Variants in GCNT1 observed in about 807,000 individuals in gnomAD.
GCNT1 encodes the protein glucosaminyl (N-acetyl) transferase 1.
Under a neutral mutation model 26.2 loss-of-function variants are expected in GCNT1, and 16 were observed. The ratio of observed to expected loss-of-function variants is 0.61; its 90% CI spans 0.41 to 0.93. The LOEUF (loss-of-function observed/expected upper bound fraction) is 0.93, where lower values mean the gene tolerates loss of function less well. GCNT1 is among the 40% of genes least tolerant of loss of function. GCNT1 has a pLI of 0.00. For synonymous variants in GCNT1, 183 were observed against 190.8 expected (o/e 0.96, Z 0.34); for missense variants, 477 against 526.7 (o/e 0.91, Z 0.92).
At chr9:76,482,701 G>A (rs1263905396) in intron 2 of GCNT1, among the ~76,000 whole-genome samples, 3 of 152,096 alleles carry the variant, frequency 2.0e-5, no homozygotes, top group East Asian at 1.9e-4. Flanking sequence ...CTGGAGTGCA[G>A]TGGTGTGATC....
At chr9:76,397,600 C>T in the GCNT1 span, among the ~76,000 whole-genome samples, 5 of 152,032 alleles carry the variant, frequency 3.3e-5, no homozygotes, top group Middle Eastern at 3.2e-3. Context: ...TATGCCACCA[C>T]GCCCGGCTAA....
intron 2 of GCNT1, among the ~76,000 whole-genome samples, chr9:76,464,212 A>G (rs769051354): frequency 3.9e-5 from 6 of 152,006 alleles, no homozygotes; most frequent in Non-Finnish European, 8.8e-5. Context: ...GTGGAAACCC[A>G]CTTTTTGTTT....
At chr9:76,398,598 C>T in the GCNT1 span, 1 of 711,940 alleles carries the variant, frequency 1.4e-6, no homozygotes, top group Non-Finnish European at 2.5e-6. Context: ...AACTTTTATC[C>T]ACACAAAAAC....
At chr9:76,448,304 T>C (rs1823609723) in intron 1 of GCNT1, among the ~76,000 whole-genome samples, 1 of 151,822 alleles carries the variant, frequency 6.6e-6, no homozygotes, top group African/African-American at 2.4e-5. Flanking sequence ...ATACAAAAAT[T>C]AGCCAGGTGT....
intron 2 of GCNT1, among the ~76,000 whole-genome samples, chr9:76,479,697 T>C (rs1405846749): frequency 6.6e-6 from 1 of 152,234 alleles, no homozygotes; most frequent in East Asian, 1.9e-4. Flanking sequence ...CGCCCACTTG[T>C]TGATGGGGTT....
the GCNT1 span, chr9:76,393,933 G>C: frequency 1.5e-6 from 1 of 675,790 alleles, no homozygotes. Context: ...CCGAGCCAAC[G>C]GTCCTCCGCC....
intron 1 of GCNT1, among the ~76,000 whole-genome samples, chr9:76,433,211 T>A (rs935744115): frequency 6.6e-6 from 1 of 152,206 alleles, no homozygotes; most frequent in African/African-American, 2.4e-5. Context: ...ACAGTAACAC[T>A]GTAGCCCTCT....
intron 2 of GCNT1, among the ~76,000 whole-genome samples, chr9:76,474,311 C>A (rs1404294163): frequency 6.6e-6 from 1 of 152,010 alleles, no homozygotes; most frequent in East Asian, 1.9e-4. Context: ...GTATAAGTAT[C>A]GTTTATTTGG....
upstream of GCNT1, among the ~76,000 whole-genome samples, chr9:76,418,088 C>T (rs767195517): frequency 1.2e-4 from 18 of 152,042 alleles, no homozygotes; most frequent in Non-Finnish European, 1.8e-4. Context: ...ATCAAATACA[C>T]GTAAGGTATA....
intron 2 of GCNT1, among the ~76,000 whole-genome samples, chr9:76,484,774 A>C (rs1299313253): frequency 2.7e-5 from 4 of 149,476 alleles, no homozygotes; most frequent in South Asian, 4.2e-4. Context: ...TGAGCATAGC[A>C]TACCATGATT....
intron 2 of GCNT1, among the ~76,000 whole-genome samples, chr9:76,488,194 T>C (rs761226480): frequency 6.6e-6 from 1 of 152,228 alleles, no homozygotes; most frequent in Non-Finnish European, 1.5e-5. Context: ...AATGAATACA[T>C]CTTGGTGTGG....
chr9:76,439,854 C>A (rs990577328), upstream of GCNT1, among the ~76,000 whole-genome samples: 1 of 152,046 alleles, frequency 6.6e-6, no homozygotes, highest in Non-Finnish European at 1.5e-5. Flanking sequence ...AATCCTAGCA[C>A]TTTGGGAGGC....
intron 2 of GCNT1, among the ~76,000 whole-genome samples, chr9:76,482,628 A>G (rs543293505): frequency 2.0e-5 from 3 of 151,964 alleles, no homozygotes; most frequent in Non-Finnish European, 4.4e-5. Flanking sequence ...CATCTCAAAA[A>G]AAAAAGAACT....
intron 2 of GCNT1, among the ~76,000 whole-genome samples, chr9:76,495,136 C>T (rs1282566009): frequency 6.6e-6 from 1 of 152,172 alleles, no homozygotes; most frequent in Non-Finnish European, 1.5e-5. Context: ...CGATGGTACT[C>T]ACTGCTTGGT....
chr9:76,428,265 C>CAAAAAAAAAAAAAAAAAAAAAAAAAAAAA (rs869195487), intron 1 of GCNT1, among the ~76,000 whole-genome samples: 5 of 29,770 alleles, frequency 1.7e-4, no homozygotes, highest in African/African-American at 4.1e-4. Context: ...GACTCCGTCT[C>CAAAAAAAAAAAAAAAAAAAAAAAAAAAAA]AAAAAAAAAA....
upstream of GCNT1, among the ~76,000 whole-genome samples, chr9:76,440,565 G>A (rs1823470751): frequency 1.3e-5 from 2 of 152,142 alleles, no homozygotes; most frequent in Non-Finnish European, 1.5e-5. Flanking sequence ...TGGGGCTGAG[G>A]TCCTGCACCC....
At chr9:76,394,256 C>T in the GCNT1 span, 1 of 1,384,376 alleles carries the variant, frequency 7.2e-7, no homozygotes, top group Non-Finnish European at 9.8e-7. Flanking sequence ...GACCCCGGAC[C>T]AGCCGGGGGA....
chr9:76,487,826 C>T (rs1824621162), intron 2 of GCNT1, among the ~76,000 whole-genome samples: 1 of 152,212 alleles, frequency 6.6e-6, no homozygotes. Flanking sequence ...CCTTGACCTC[C>T]TGGGCTCAGG....
intron 2 of GCNT1, among the ~76,000 whole-genome samples, chr9:76,468,984 C>A (rs1273701952): frequency 6.6e-6 from 1 of 152,090 alleles, no homozygotes; most frequent in Admixed American, 6.5e-5. Context: ...TGAAAAGTAA[C>A]AATGAGTTTT....
Sources: allele counts gnomAD v4.1 joint callset (sites outside exome capture counted in the v4.1 genomes callset), GRCh38; gene constraint gnomAD v4.1.1; transcripts MANE v1.5; gene names NCBI Gene and HGNC (gene_info 2026-07-23, HGNC 2026-07-21).